CD1B: variants seen among roughly 807,000 people sequenced by gnomAD.
CD1B encodes the protein T-cell surface glycoprotein CD1b.
CD1B carries 43 observed loss-of-function variants against 39.8 expected under a neutral mutation model. The ratio of observed to expected loss-of-function variants is 1.08; its 90% CI spans 0.85 to 1.39. CD1B has a LOEUF of 1.39. Ranked by LOEUF, CD1B falls within the 40% of genes most tolerant of loss-of-function variation. The pLI, the probability that CD1B is intolerant of heterozygous loss-of-function variation, is 0.00. For synonymous variants in CD1B, 192 were observed against 152.5 expected (o/e 1.26, Z -1.91); for missense variants, 495 against 403.8 (o/e 1.23, Z -1.94).
At chr1:158,304,168 G>T in the CD1B span, among the ~76,000 whole-genome samples, 5 of 152,054 alleles carry the variant, frequency 3.3e-5, no homozygotes, top group Admixed American at 3.3e-4. Context: ...AAGCACAAGG[G>T]GTCAGGGAAT....
At chr1:158,308,653 A>T in the CD1B span, among the ~76,000 whole-genome samples, 1 of 152,236 alleles carries the variant, frequency 6.6e-6, no homozygotes, top group Non-Finnish European at 1.5e-5. Flanking sequence ...ATGGAACAGA[A>T]CAGAGCCCTC....
At chr1:158,293,457 C>T in the CD1B span, 12 of 1,613,894 alleles carry the variant, frequency 7.4e-6, no homozygotes, top group Admixed American at 1.8e-4. Flanking sequence ...CTTCACAGCT[C>T]ATATCAGGAC....
At chr1:158,314,335 G>A in the CD1B span, among the ~76,000 whole-genome samples, 2 of 152,158 alleles carry the variant, frequency 1.3e-5, no homozygotes, top group African/African-American at 4.8e-5. Flanking sequence ...ACCCTCCTCG[G>A]CCTCCCAAAG....
At chr1:158,287,049 G>A in the CD1B span, among the ~76,000 whole-genome samples, 1 of 152,100 alleles carries the variant, frequency 6.6e-6, no homozygotes, top group Admixed American at 6.6e-5. Context: ...GGGAACTTAG[G>A]GTTTTATCAG....
chr1:158,313,285 A>G, the CD1B span, among the ~76,000 whole-genome samples: 1 of 152,034 alleles, frequency 6.6e-6, no homozygotes, highest in Non-Finnish European at 1.5e-5. Flanking sequence ...GCGTTTCATT[A>G]GGGATATTGG....
the CD1B span, among the ~76,000 whole-genome samples, chr1:158,303,422 C>T: frequency 1.3e-5 from 2 of 152,090 alleles, no homozygotes; most frequent in Admixed American, 1.3e-4. Context: ...TACTGGAAGT[C>T]CTAGCCAGAG....
the CD1B span, among the ~76,000 whole-genome samples, chr1:158,298,594 A>G: frequency 6.6e-5 from 10 of 152,314 alleles, no homozygotes; most frequent in South Asian, 1.9e-3. Flanking sequence ...GAATTTATAA[A>G]TTACTTTGGG....
At chr1:158,324,181 A>C (rs1206467980), downstream of CD1B, among the ~76,000 whole-genome samples, 1 of 152,196 alleles carries the variant, frequency 6.6e-6, no homozygotes, top group Non-Finnish European at 1.5e-5. Context: ...AAGACTCAAG[A>C]CAAAATTGGA....
chr1:158,331,037 A>T lies in CD1B; in HGVS notation c.87T>A (p.His29Gln). The part of the protein sequence containing the change: ...EHAFQGPTSF[H>Q]VIQTSSFTNS... ...TGGTAAAGGACGAGGTCTGGATAAC[A>T]TGAAAGGAGGTCGGCCCCTGGAAGG... Residue 29 changes from histidine (H) to glutamine (Q), a missense_variant, in exon 2 of 6, where the codon CAT becomes CAA. Transcript: ENST00000368168. 1 of 1,613,078 alleles carries T rather than the reference A, an allele frequency of 6.2e-7. No homozygotes were observed. Among genetic ancestry groups the T allele is most frequent in the Non-Finnish European group, 8.5e-7 (1 of 1,179,646 alleles).
At chr1:158,326,014 A>G (rs1652339026), downstream of CD1B, among the ~76,000 whole-genome samples, 3 of 152,096 alleles carry the variant, frequency 2.0e-5, no homozygotes, top group South Asian at 2.1e-4. Context: ...CTGTTGCCCA[A>G]GCTGGAGTGC....
the CD1B span, among the ~76,000 whole-genome samples, chr1:158,311,746 A>G: frequency 2.1e-4 from 32 of 152,244 alleles, no homozygotes; most frequent in South Asian, 6.2e-4. Flanking sequence ...CTATTTATTG[A>G]AGAGACTGTT....
At chr1:158,293,281 T>C in the CD1B span, 1 of 1,614,042 alleles carries the variant, frequency 6.2e-7, no homozygotes, top group Non-Finnish European at 8.5e-7. Flanking sequence ...ATAGTCCTTG[T>C]GTTATGGTTT....
chr1:158,292,281 A>G, the CD1B span: 2 of 1,614,200 alleles, frequency 1.2e-6, no homozygotes, highest in South Asian at 2.2e-5. Context: ...CGTCACAGAA[A>G]CAGTGTATAA....
At chr1:158,308,090 C>A in the CD1B span, among the ~76,000 whole-genome samples, 2 of 152,234 alleles carry the variant, frequency 1.3e-5, no homozygotes, top group East Asian at 3.9e-4. Context: ...AAAACCCCAT[C>A]GTCTCAGCCC....
the CD1B span, among the ~76,000 whole-genome samples, chr1:158,321,991 C>G: frequency 6.6e-6 from 1 of 152,070 alleles, no homozygotes; most frequent in Non-Finnish European, 1.5e-5. Flanking sequence ...TTATTTTAAG[C>G]TAATAGGAAC....
downstream of CD1B, among the ~76,000 whole-genome samples, chr1:158,325,521 A>G (rs1264687772): frequency 6.6e-6 from 1 of 152,212 alleles, no homozygotes; most frequent in Non-Finnish European, 1.5e-5. Context: ...TAAAGATGTA[A>G]TTTTTGTTGA....
chr1:158,292,056 T>C, the CD1B span: 1 of 1,584,092 alleles, frequency 6.3e-7, no homozygotes, highest in East Asian at 2.2e-5. Flanking sequence ...TTGTTTGAAC[T>C]CTTTTTCTCA....
At chr1:158,306,553 C>T in the CD1B span, among the ~76,000 whole-genome samples, 1 of 152,028 alleles carries the variant, frequency 6.6e-6, no homozygotes, top group East Asian at 1.9e-4. Flanking sequence ...TATCCAGGAA[C>T]TGAACTCAGC....
the CD1B span, among the ~76,000 whole-genome samples, chr1:158,321,280 G>GT: frequency 6.6e-6 from 1 of 151,932 alleles, no homozygotes; most frequent in Non-Finnish European, 1.5e-5. Context: ...TTTTTTTACA[G>GT]TTTTTTTGGC....
Sources: allele counts gnomAD v4.1 joint callset (sites outside exome capture counted in the v4.1 genomes callset), GRCh38; gene constraint gnomAD v4.1.1; transcripts MANE v1.5; gene names NCBI Gene and HGNC (gene_info 2026-07-23, HGNC 2026-07-21).